Variants in MDFI observed in about 807,000 individuals in gnomAD.
The protein encoded by MDFI is inhibitor of MyoD family a.
In MDFI, 16 loss-of-function variants were observed where a neutral mutation model predicts 22.3. That is an observed-to-expected ratio of 0.72 (90% CI 0.49 to 1.09). The LOEUF is 1.09. Ranked by LOEUF, MDFI falls within the 50% of genes least tolerant of loss-of-function variation. The pLI is 0.00. For synonymous variants in MDFI, 145 were observed against 142.7 expected, an observed-to-expected ratio of 1.02 and a Z score of -0.12; for missense variants, 314 against 326.1, an observed-to-expected ratio of 0.96 and a Z score of 0.29.
rs141641094 is a variant in MDFI, at chr6:41,648,917, G to A, written c.260-702G>A. The stretch of plus-strand genomic sequence containing the variant: ...GTCCCTCAGCCTGCAATGGGGACCC[G>A]GGGGTCCTGGCTTCAGGGGTCTCCC... On this transcript the variant is annotated intron_variant, in intron 3 of 4. Coordinates refer to ENST00000230321, the MANE Select transcript of MDFI (RefSeq NM_005586.4). Among the ~76,000 whole-genome samples the A allele has an allele frequency of 4.6e-3, 701 of 152,284 alleles. 12 individuals carry two copies. In the South Asian group the frequency reaches 0.069, roughly 15 times the overall value.
upstream of MDFI, chr6:41,638,446 G>C (rs887790030): frequency 1.2e-5 from 5 of 425,570 alleles, no homozygotes; most frequent in Non-Finnish European, 2.1e-5. This position sits in a 1 kb window ranked among gnomAD's most constrained non-coding sequence, Gnocchi z 7.6. Context: ...GAGGAGCGAG[G>C]GGGGCTGGAG....
At chr6:41,648,379 C>T (rs1345892085) in intron 3 of MDFI, among the ~76,000 whole-genome samples, 6 of 152,172 alleles carry the variant, frequency 3.9e-5, no homozygotes, top group Non-Finnish European at 7.4e-5. Context: ...TGAGGGGATG[C>T]GTGAGCAGCA....
At chr6:41,642,053 A>T (rs892594194) in intron 2 of MDFI, among the ~76,000 whole-genome samples, 7 of 152,144 alleles carry the variant, frequency 4.6e-5, no homozygotes, top group African/African-American at 1.7e-4. Flanking sequence ...ATGAGAGTGT[A>T]TTGAAGCAAA....
intron 2 of MDFI, among the ~76,000 whole-genome samples, chr6:41,644,412 C>T (rs1321646232): frequency 1.3e-5 from 2 of 152,132 alleles, no homozygotes; most frequent in African/African-American, 2.4e-5. Flanking sequence ...TGTGGTTTTT[C>T]CCTGGGCAGG....
At chr6:41,641,200 GA>G (rs1767841707) in intron 2 of MDFI, among the ~76,000 whole-genome samples, 1 of 152,154 alleles carries the variant, frequency 6.6e-6, no homozygotes. Context: ...GGCATTTGCC[GA>G]GTGCCCCCTG....
chr6:41,638,897 C>T lies in MDFI; in HGVS notation c.76+72C>T, dbSNP rs2127424586. The T allele has an allele frequency of 2.8e-6, 4 of 1,435,644 alleles. No individual in the cohort carries two copies. In the East Asian group the frequency reaches 1.0e-4, roughly 37 times the overall value. 88.9% of individuals were successfully genotyped at this position (1,435,644 alleles called of 1,614,324 possible). A position where few individuals can be genotyped will look rare whatever the true frequency, so the allele number is the denominator to read the frequency against. On this transcript the variant is annotated intron_variant, in intron 2 of 4. Coordinates refer to ENST00000230321, the MANE Select transcript of MDFI (RefSeq NM_005586.4). The surrounding 1 kb of genome is among the most constrained non-coding windows in gnomAD (Gnocchi z 7.6). Reference sequence around the variant, plus strand: ...GCTGAAGGGGCCAGTTATTAGTTCTCCTCTCCGTCCCCAGACGCGGGGAGA... The same window carrying T: ...GCTGAAGGGGCCAGTTATTAGTTCTTCTCTCCGTCCCCAGACGCGGGGAGA...
chr6:41,653,873 G>T lies in MDFI; in HGVS notation c.*298G>T. On this transcript the variant is annotated 3_prime_UTR_variant, in exon 5 of 5. Coordinates refer to ENST00000230321, the MANE Select transcript of MDFI (RefSeq NM_005586.4). The surrounding 1 kb of genome is among the most constrained non-coding windows in gnomAD (Gnocchi z 4.2). Reference sequence around the variant, plus strand: ...CAGGACAACCTAGGGGCAGGGCTGGGGTGGGGACCGCAGGGGGCAGCCAGG... The same window carrying T: ...CAGGACAACCTAGGGGCAGGGCTGGTGTGGGGACCGCAGGGGGCAGCCAGG... 6.2e-6 allele frequency: 3 copies of T among 485,564 alleles called. No individual in the cohort carries two copies. The highest frequency in any genetic ancestry group is 1.1e-5 in the Non-Finnish European group (3 of 267,260). 30.1% of individuals were successfully genotyped at this position (485,564 alleles called of 1,614,324 possible).
chr6:41,641,841 T>A (rs910680932), intron 2 of MDFI, among the ~76,000 whole-genome samples: 1 of 151,928 alleles, frequency 6.6e-6, no homozygotes, highest in African/African-American at 2.4e-5. Flanking sequence ...CGGAAAGAGG[T>A]TCCCCCCTAC....
intron 2 of MDFI, among the ~76,000 whole-genome samples, chr6:41,644,664 CCTCT>C (rs1442565264): frequency 2.0e-5 from 3 of 151,942 alleles, no homozygotes; most frequent in Non-Finnish European, 4.4e-5. Flanking sequence ...TCCACTGATC[CCTCT>C]AATTACCTCC....
intron 3 of MDFI, 146 bp downstream of exon 3, chr6:41,646,454 C>T (rs923574393): frequency 2.6e-5 from 17 of 656,542 alleles, no homozygotes; most frequent in Non-Finnish European, 3.7e-5. Context: ...GGGAAGGGCA[C>T]TGTCACTGTG....
At chr6:41,644,296 G>A (rs565031937) in intron 2 of MDFI, among the ~76,000 whole-genome samples, 1 of 152,294 alleles carries the variant, frequency 6.6e-6, no homozygotes, top group South Asian at 2.1e-4. Flanking sequence ...GTGGAGCCAT[G>A]GGCCCCGGGA....
chr6:41,651,318 G>T (rs1768264226), intron 4 of MDFI, among the ~76,000 whole-genome samples: 2 of 149,310 alleles, frequency 1.3e-5, no homozygotes, highest in Admixed American at 6.6e-5. Flanking sequence ...CTCATGCAGA[G>T]GATTACGCAA....
At chr6:41,644,877 C>T (rs1161702323) in intron 2 of MDFI, among the ~76,000 whole-genome samples, 1 of 151,826 alleles carries the variant, frequency 6.6e-6, no homozygotes, top group Non-Finnish European at 1.5e-5. Flanking sequence ...ACTCTTTGGG[C>T]TTCCCTGCTG....
intron 2 of MDFI, among the ~76,000 whole-genome samples, chr6:41,640,894 G>A (rs541774912): frequency 1.8e-4 from 28 of 152,358 alleles, no homozygotes; most frequent in African/African-American, 4.8e-4. Flanking sequence ...GCATTGGGGC[G>A]TCACATTCCT....
chr6:41,651,179 CAAA>C (rs1175522286), intron 4 of MDFI, among the ~76,000 whole-genome samples: 1 of 148,472 alleles, frequency 6.7e-6, no homozygotes, highest in African/African-American at 2.5e-5. Flanking sequence ...AACTTTGTCT[CAAA>C]GAAAAATAAA....
chr6:41,645,000 C>A (rs1256072180), intron 2 of MDFI, among the ~76,000 whole-genome samples: 1 of 151,992 alleles, frequency 6.6e-6, no homozygotes, highest in Non-Finnish European at 1.5e-5. Context: ...TGTCACCCTG[C>A]CTCTCCCTGC....
At chr6:41,648,296 C>G (rs1041547553) in intron 3 of MDFI, among the ~76,000 whole-genome samples, 1 of 152,150 alleles carries the variant, frequency 6.6e-6, no homozygotes, top group Non-Finnish European at 1.5e-5. Context: ...AGCTATGTGA[C>G]CTTGGGCAAC....
chr6:41,639,407 AGT>A, intron 2 of MDFI: 1 of 984,902 alleles, frequency 1.0e-6, no homozygotes, highest in Non-Finnish European at 1.2e-6. Flanking sequence ...ACCCCAACCC[AGT>A]GTCTTCAGCC....
intron 2 of MDFI, among the ~76,000 whole-genome samples, chr6:41,642,137 T>C (rs1351609600): frequency 6.6e-6 from 1 of 152,144 alleles, no homozygotes; most frequent in Admixed American, 6.5e-5. Context: ...GCTGGGGGCT[T>C]CTGCTCGGAG....
Sources: allele counts gnomAD v4.1 joint callset (sites outside exome capture counted in the v4.1 genomes callset), GRCh38; gene constraint gnomAD v4.1.1; non-coding constraint Gnocchi (gnomAD v3.1); transcripts MANE v1.5; gene names NCBI Gene and HGNC (gene_info 2026-07-23, HGNC 2026-07-21).